ACVR1: variants seen among roughly 807,000 people sequenced by gnomAD.
ACVR1 encodes activin A receptor type 1.
A neutral mutation model predicts 57.1 loss-of-function variants in ACVR1; 38 were observed. The observed-to-expected ratio is 0.67, with a 90% CI of 0.51 to 0.87. ACVR1 has a LOEUF of 0.87. Ranked by LOEUF, ACVR1 falls within the 40% of genes least tolerant of loss-of-function variation. The pLI, the probability that ACVR1 is intolerant of heterozygous loss-of-function variation, is 0.00. For synonymous variants in ACVR1, 212 were observed against 228.1 expected (o/e 0.93, Z 0.63); for missense variants, 463 against 638.2 (o/e 0.73, Z 2.96).
chr2:157,770,601 T>C, intron 6 of ACVR1, 87 bp from the exon 7 acceptor site: 1 of 1,339,044 alleles, frequency 7.5e-7, no homozygotes, highest in Non-Finnish European at 1.1e-6. Context: ...ATTTAGTGCA[T>C]GCAACTCTTA....
chr2:157,793,221 A>T (rs1179373774), intron 3 of ACVR1, among the ~76,000 whole-genome samples: 1 of 152,186 alleles, frequency 6.6e-6, no homozygotes, highest in African/African-American at 2.4e-5. Context: ...TGTTGACCAC[A>T]AGGAAATCAT....
intron 3 of ACVR1, among the ~76,000 whole-genome samples, chr2:157,783,368 T>C (rs1422610366): frequency 6.6e-6 from 1 of 152,154 alleles, no homozygotes. Context: ...CCTAAAGAGT[T>C]TGCCAGACGT....
chr2:157,794,776 T>C (rs1467669288), intron 3 of ACVR1, among the ~76,000 whole-genome samples: 4 of 152,152 alleles, frequency 2.6e-5, no homozygotes, highest in Admixed American at 1.3e-4. Flanking sequence ...CAGGCCATTA[T>C]ATTGGAAAGC....
At chr2:157,837,166 G>C (rs1160035994) in intron 1 of ACVR1, among the ~76,000 whole-genome samples, 1 of 152,206 alleles carries the variant, frequency 6.6e-6, no homozygotes, top group Non-Finnish European at 1.5e-5. Context: ...AAAAGTCAAA[G>C]TAATTTAAAT....
intron 1 of ACVR1, among the ~76,000 whole-genome samples, chr2:157,855,304 GTGTGTATATATA>G (rs1689480798): frequency 1.6e-5 from 1 of 61,700 alleles, no homozygotes; most frequent in Non-Finnish European, 2.9e-5. Context: ...GTGTGTGTGT[GTGTGTATATATA>G]TATATATACA....
intron 1 of ACVR1, among the ~76,000 whole-genome samples, chr2:157,823,807 A>G (rs566592436): frequency 6.6e-6 from 1 of 152,316 alleles, no homozygotes; most frequent in Non-Finnish European, 1.5e-5. Flanking sequence ...CTGTCCAGCC[A>G]AAGATTCATT....
intron 2 of ACVR1, among the ~76,000 whole-genome samples, chr2:157,811,302 C>T (rs1559071017): frequency 6.6e-6 from 1 of 152,156 alleles, no homozygotes; most frequent in East Asian, 1.9e-4. Context: ...ACTCGGGAAC[C>T]ACTGTAGGCC....
At chr2:157,820,984 C>A (rs1476590051) in intron 1 of ACVR1, among the ~76,000 whole-genome samples, 1 of 152,056 alleles carries the variant, frequency 6.6e-6, no homozygotes, top group African/African-American at 2.4e-5. Flanking sequence ...CTCAAATAAA[C>A]CATGGACTGA....
intron 1 of ACVR1, among the ~76,000 whole-genome samples, 173 bp from the exon 2 acceptor site, chr2:157,818,732 G>T: frequency 6.6e-6 from 1 of 152,198 alleles, no homozygotes; most frequent in Non-Finnish European, 1.5e-5. Flanking sequence ...GATAGGAAGA[G>T]TGTGGAGGTT....
intron 8 of ACVR1, 88 bp from the exon 9 acceptor site, chr2:157,761,165 G>C (rs556746617): frequency 7.9e-7 from 1 of 1,272,240 alleles, no homozygotes; most frequent in African/African-American, 1.5e-5. Context: ...CCAATCAAAA[G>C]TGCCCTCTTG....
At chr2:157,850,085 C>T (rs1689244383) in intron 1 of ACVR1, among the ~76,000 whole-genome samples, 1 of 152,076 alleles carries the variant, frequency 6.6e-6, no homozygotes, top group Non-Finnish European at 1.5e-5. Context: ...TCACTAGATG[C>T]TTCAGAAAAA....
Position 157,798,830 on chromosome 2 carries a change from G to A in ACVR1, c.67+597C>T, listed in dbSNP as rs1425740446. ...GGCATGAGCCACGGCACCCAGCCTC[G>A]CATTTGTTTAAACACATGTTTTATT... is the stretch of plus-strand genomic sequence containing the variant. On this transcript the variant is annotated intron_variant, in intron 3 of 10. Coordinates refer to ENST00000434821, the MANE Select transcript of ACVR1 (RefSeq NM_001111067.4). Among the ~76,000 whole-genome samples, 5 of 151,042 alleles carry A rather than the reference G, an allele frequency of 3.3e-5. No individual in the cohort carries two copies. The East Asian group carries it at 5.9e-4, about 18-fold the overall frequency.
intron 1 of ACVR1, among the ~76,000 whole-genome samples, chr2:157,863,233 G>C (rs1176549049): frequency 1.4e-5 from 2 of 147,144 alleles, no homozygotes; most frequent in Non-Finnish European, 3.0e-5. Flanking sequence ...GGTTGGTCTC[G>C]AATTCCTGAC....
At chr2:157,853,647 A>C (rs1689403263) in intron 1 of ACVR1, among the ~76,000 whole-genome samples, 1 of 152,190 alleles carries the variant, frequency 6.6e-6, no homozygotes, top group African/African-American at 2.4e-5. Flanking sequence ...AAAATCCAAT[A>C]GCTAGCATAT....
At chr2:157,858,983 C>T (rs1689632699) in intron 1 of ACVR1, among the ~76,000 whole-genome samples, 1 of 152,186 alleles carries the variant, frequency 6.6e-6, no homozygotes, top group Admixed American at 6.5e-5. Context: ...TCAAATACAG[C>T]CTGTCACCTT....
intron 1 of ACVR1, among the ~76,000 whole-genome samples, chr2:157,851,271 T>C (rs997230425): frequency 1.7e-4 from 26 of 152,010 alleles, no homozygotes; most frequent in African/African-American, 6.3e-4. Context: ...GTACCATCTA[T>C]GGAAAAAAAC....
chr2:157,829,873 A>G (rs1688521518), intron 1 of ACVR1, among the ~76,000 whole-genome samples: 1 of 152,176 alleles, frequency 6.6e-6, no homozygotes, highest in Non-Finnish European at 1.5e-5. Context: ...TGGACTCTTC[A>G]AAGTAAGAGT....
chr2:157,863,233 G>A (rs1176549049), intron 1 of ACVR1, among the ~76,000 whole-genome samples: 1 of 147,144 alleles, frequency 6.8e-6, no homozygotes, highest in African/African-American at 2.5e-5. Context: ...GGTTGGTCTC[G>A]AATTCCTGAC....
intron 2 of ACVR1, among the ~76,000 whole-genome samples, chr2:157,809,570 G>A (rs1273501104): frequency 1.3e-5 from 2 of 152,010 alleles, no homozygotes; most frequent in African/African-American, 4.8e-5. Context: ...ATACCGGGTG[G>A]AGAGAGACTG....
Sources: allele counts gnomAD v4.1 joint callset (sites outside exome capture counted in the v4.1 genomes callset), GRCh38; gene constraint gnomAD v4.1.1; transcripts MANE v1.5; gene names NCBI Gene and HGNC (gene_info 2026-07-23, HGNC 2026-07-21).